Variants in MSN observed in about 807,000 individuals in gnomAD.
MSN encodes epididymis luminal protein 70.
Under a neutral mutation model 48.0 loss-of-function variants are expected in MSN, and 2 were observed. That is an observed-to-expected ratio of 0.04 (90% CI 0.02 to 0.13). The LOEUF (loss-of-function observed/expected upper bound fraction) is 0.13. MSN is among the 10% of genes least tolerant of loss of function. The probability of loss-of-function intolerance (pLI) is 1.00; values close to 1 mark genes in which losing one functional copy is unlikely to be tolerated. For synonymous variants in MSN, 146 were observed against 166.9 expected (o/e 0.87, Z 0.97); for missense variants, 267 against 470.1 (o/e 0.57, Z 3.99).
At chrX:65,690,656 T>A (rs2147473075) in intron 1 of MSN, among the ~76,000 whole-genome samples, 1 of 111,901 alleles carries the variant, frequency 8.9e-6, no homozygotes, top group East Asian at 2.8e-4. Context: ...CAGATCCATG[T>A]GGACTTGCAG....
intron 1 of MSN, among the ~76,000 whole-genome samples, chrX:65,589,455 C>A (rs767334476): frequency 1.9e-4 from 21 of 112,254 alleles, no homozygotes; most frequent in Admixed American, 3.7e-4. Flanking sequence ...CGTGACCACA[C>A]TTGAGAGCTC....
chrX:65,596,603 T>C (rs1458354924), intron 1 of MSN, among the ~76,000 whole-genome samples: 1 of 108,230 alleles, frequency 9.2e-6, no homozygotes, highest in Non-Finnish European at 1.9e-5. Context: ...TCTTTTTCTT[T>C]TTTTTTTTTT....
At chrX:65,653,019 C>A (rs1476715314) in intron 1 of MSN, among the ~76,000 whole-genome samples, 1 of 111,712 alleles carries the variant, frequency 9.0e-6, no homozygotes, top group Non-Finnish European at 1.9e-5. Flanking sequence ...GGCTGGATGT[C>A]TTTGGAACCA....
chrX:65,663,752 A>G (rs754395512), upstream of MSN, among the ~76,000 whole-genome samples: 31 of 111,394 alleles, frequency 2.8e-4, no homozygotes, highest in African/African-American at 8.8e-4. Context: ...AAAATGGTTG[A>G]CTGGATAAAG....
intron 1 of MSN, among the ~76,000 whole-genome samples, chrX:65,656,649 C>T (rs959623716): frequency 4.5e-5 from 5 of 111,612 alleles, no homozygotes; most frequent in African/African-American, 1.6e-4. Flanking sequence ...GCTGACAAGA[C>T]AAAGCAGGAT....
chrX:65,621,731 T>TA (rs1309710772), intron 1 of MSN, among the ~76,000 whole-genome samples: 2 of 112,421 alleles, frequency 1.8e-5, no homozygotes, highest in Non-Finnish European at 1.9e-5. Context: ...TATTGTGTTT[T>TA]AAAAAAATAT....
chrX:65,630,071 C>G (rs2070543674), intron 1 of MSN, among the ~76,000 whole-genome samples: 1 of 109,683 alleles, frequency 9.1e-6, no homozygotes, highest in Non-Finnish European at 1.9e-5. Context: ...CCCAGCTACT[C>G]GGGAGGCTGA....
intron 1 of MSN, among the ~76,000 whole-genome samples, chrX:65,642,066 G>T (rs982664373): frequency 8.5e-5 from 9 of 105,526 alleles, no homozygotes; most frequent in Non-Finnish European, 1.4e-4. Flanking sequence ...CCTAGAAGGC[G>T]GAGGTTGCGG....
chrX:65,716,901 G>A lies in MSN; in HGVS notation c.96G>A (p.Gln32=). The change falls in exon 2 of 13, where the codon CAG becomes CAA. Residue 32 remains glutamine (Q), a splice_region_variant and synonymous_variant. Transcript: ENST00000360270. The stretch of plus-strand genomic sequence containing the variant: ...CCACCGGGAAGCAGCTATTTGACCA[G>A]GTAAGGCGGAGACTCCTTAGCCTCC... ...PNTTGKQLFD[Q]VVKTIGLREV... 8.3e-7 allele frequency: 1 copy of A among 1,208,464 alleles called. No homozygotes were observed. Among genetic ancestry groups the A allele is most frequent in the Non-Finnish European group, 1.1e-6 (1 of 893,362 alleles).
intron 1 of MSN, among the ~76,000 whole-genome samples, chrX:65,685,933 A>AAAAC (rs752649312): frequency 8.3e-4 from 93 of 112,119 alleles, no homozygotes; most frequent in Middle Eastern, 4.6e-3. Flanking sequence ...GACTGGCTTA[A>AAAAC]AAACAAACAA....
chrX:65,729,207 G>A (rs1324359979), intron 3 of MSN, among the ~76,000 whole-genome samples: 12 of 111,523 alleles, frequency 1.1e-4, no homozygotes, highest in African/African-American at 3.3e-5. Flanking sequence ...ATCATCAGTC[G>A]GTATTAAGGT....
intron 1 of MSN, among the ~76,000 whole-genome samples, chrX:65,687,382 AATC>A (rs1385702996): frequency 9.0e-6 from 1 of 110,978 alleles, no homozygotes; most frequent in Non-Finnish European, 1.9e-5. Flanking sequence ...CAAACAAAAA[AATC>A]CCCTCTCTTC....
At chrX:65,721,539 C>G (rs773076778) in intron 2 of MSN, among the ~76,000 whole-genome samples, 10 of 109,740 alleles carry the variant, frequency 9.1e-5, no homozygotes, top group Admixed American at 1.9e-4. Flanking sequence ...GAATACTCTG[C>G]AATAAGGACA....
chrX:65,611,148 T>C (rs183065277), intron 1 of MSN, among the ~76,000 whole-genome samples: 1,110 of 102,553 alleles, frequency 0.011, 6 homozygotes, highest in Non-Finnish European at 0.015. Context: ...ATCCTTCCTT[T>C]CTTTCTTTCT....
rs996597632 is a variant in MSN at position 65,673,754 on chromosome X, A to G, written c.12+5901A>G. On this transcript the variant is annotated intron_variant, in intron 1 of 12. Coordinates refer to ENST00000360270, the MANE Select transcript of MSN (RefSeq NM_002444.3). ...TCACAGGAGTGTTTTGAACCATGGA[A>G]CAACTGAGCTGGCCTTAAATCTTCT... 2.7e-5 allele frequency among the ~76,000 whole-genome samples: 3 copies of G among 112,096 alleles called. No individual in the cohort carries two copies. The Admixed American group carries it at 2.8e-4, about 11-fold the overall frequency.
chrX:65,632,555 A>G (rs1381948925), intron 1 of MSN, among the ~76,000 whole-genome samples: 1 of 112,400 alleles, frequency 8.9e-6, no homozygotes, highest in Non-Finnish European at 1.9e-5. Flanking sequence ...ACAACAATGT[A>G]TGAGTGATTC....
chrX:65,627,500 A>G (rs1203367309), intron 1 of MSN, among the ~76,000 whole-genome samples: 3 of 110,858 alleles, frequency 2.7e-5, no homozygotes, highest in Non-Finnish European at 5.7e-5. Flanking sequence ...AACCCATCAG[A>G]TCTCATGAGA....
chrX:65,604,951 A>G (rs2070266819), intron 1 of MSN, among the ~76,000 whole-genome samples: 1 of 111,714 alleles, frequency 9.0e-6, no homozygotes, highest in Admixed American at 9.5e-5. Flanking sequence ...CATGTTAAAA[A>G]CAAAAGTCGG....
rs1024750537 is a variant in MSN at position 65,720,434 on chromosome X, C to T, written c.96+3533C>T. Among the ~76,000 whole-genome samples, 3 of 111,924 alleles carry T rather than the reference C, an allele frequency of 2.7e-5. No individual in the cohort carries two copies. The South Asian group carries it at 1.1e-3, about 41-fold the overall frequency. On this transcript the variant is annotated intron_variant, in intron 2 of 12. Coordinates refer to ENST00000360270, the MANE Select transcript of MSN (RefSeq NM_002444.3). ...GTGAGTCAGAGGGACAGAGGTGGAC[C>T]CCACAGGTGAGAAAATACAGGGAAA...
Sources: gnomAD v4.1 joint callset for allele counts (sites outside exome capture counted in the v4.1 genomes callset) on GRCh38, gnomAD v4.1.1 for gene constraint, MANE v1.5 for transcripts, NCBI Gene and HGNC (gene_info 2026-07-23, HGNC 2026-07-21) for gene names.